DMD: variants seen among roughly 807,000 people sequenced by gnomAD.
DMD encodes mutant dystrophin.
DMD carries 63 observed loss-of-function variants against 330.1 expected under a neutral mutation model. The observed-to-expected ratio is 0.19, with a 90% CI of 0.16 to 0.24. DMD has a LOEUF of 0.24. Among genes scored for constraint, DMD ranks in the 10% least tolerant of loss-of-function variants. The pLI is 1.00. For synonymous variants in DMD, 1,223 were observed against 959.8 expected, an observed-to-expected ratio of 1.27 and a Z score of -5.07; for missense variants, 3,344 against 2,684.1, an observed-to-expected ratio of 1.25 and a Z score of -5.43.
chrX:31,812,824 T>C (rs2092503836), intron 50 of DMD, among the ~76,000 whole-genome samples: 1 of 111,912 alleles, frequency 8.9e-6, no homozygotes, highest in South Asian at 3.7e-4. Flanking sequence ...TTTCTGACCC[T>C]TGGTTATCTC....
intron 48 of DMD, among the ~76,000 whole-genome samples, chrX:31,872,051 C>T (rs2093899398): frequency 9.3e-6 from 1 of 107,505 alleles, no homozygotes; most frequent in Non-Finnish European, 1.9e-5. Flanking sequence ...TTGGGAGAAA[C>T]TCTCAAGTCA....
chrX:31,805,141 C>T (rs1292454762), intron 50 of DMD, among the ~76,000 whole-genome samples: 1 of 111,689 alleles, frequency 9.0e-6, no homozygotes, highest in African/African-American at 3.3e-5. Flanking sequence ...GAAGGAACTG[C>T]ACCAGTTAAG....
intron 1 of DMD, among the ~76,000 whole-genome samples, chrX:33,100,655 C>A (rs1305507085): frequency 9.0e-6 from 1 of 111,390 alleles, no homozygotes; most frequent in Non-Finnish European, 1.9e-5. Flanking sequence ...TGCACAGTTG[C>A]CCTCTAGCCT....
intron 7 of DMD, among the ~76,000 whole-genome samples, chrX:32,775,844 C>T (rs995647417): frequency 8.9e-6 from 1 of 112,951 alleles, no homozygotes; most frequent in African/African-American, 3.2e-5. Context: ...TGACTTACTC[C>T]CTAGAAAATG....
chrX:31,944,033 G>A lies in DMD; in HGVS notation c.6615-11806C>T, dbSNP rs1046643188. ...CACATAATTGCAGCTAAGTTCCTCA[G>A]AAACAGAGGTTACTATTCTTTAAAA... On this transcript the variant is annotated intron_variant, in intron 45 of 78. Transcript: ENST00000357033. Among the ~76,000 whole-genome samples, 6 of 111,512 alleles carry A rather than the reference G, an allele frequency of 5.4e-5. No homozygotes were observed. The Admixed American group carries it at 5.7e-4, about 11-fold the overall frequency.
chrX:33,273,562 C>T (rs764930835), intron 1 of DMD, among the ~76,000 whole-genome samples: 1 of 112,361 alleles, frequency 8.9e-6, no homozygotes, highest in Non-Finnish European at 1.9e-5. Flanking sequence ...ATATCCCTTA[C>T]TGCCACCCAG....
At chrX:31,925,796 C>T (rs1301083586) in intron 47 of DMD, among the ~76,000 whole-genome samples, 2 of 106,025 alleles carry the variant, frequency 1.9e-5, no homozygotes, top group Admixed American at 1.0e-4. Context: ...CGCTTGAACC[C>T]AGGAGACAGA....
rs745406001 is a variant in DMD, at chrX:31,138,686, A to AGAGAGAGTGT, written c.10922-4493_10922-4492insACACTCTCTC. Among the ~76,000 whole-genome samples, 85 of 87,462 alleles carry AGAGAGAGTGT rather than the reference A, an allele frequency of 9.7e-4. 7 individuals carry two copies. Among genetic ancestry groups the AGAGAGAGTGT allele is most frequent in the African/African-American group, 3.7e-3 (80 of 21,658 alleles). 76.0% of individuals were successfully genotyped at this position (87,462 alleles called of 115,157 possible). On this transcript the variant is annotated intron_variant, in intron 76 of 78. Transcript: ENST00000357033. Reference sequence around the variant, plus strand: ...GAGAGAGAGAGAGAGAGAGAGAGAGAGAAGGGGGAAGTGCCACACACTTTA... The same window carrying AGAGAGAGTGT: ...GAGAGAGAGAGAGAGAGAGAGAGAGAGAGAGAGTGTGAAGGGGGAAGTGCCACACACTTTA...
At chrX:32,469,032 C>T (rs2148463219) in intron 22 of DMD, among the ~76,000 whole-genome samples, 2 of 110,624 alleles carry the variant, frequency 1.8e-5, no homozygotes, top group South Asian at 7.6e-4. Context: ...TTAATAACTG[C>T]ATTTGTGATA....
intron 7 of DMD, among the ~76,000 whole-genome samples, chrX:32,718,846 G>A (rs2065979620): frequency 8.9e-6 from 1 of 111,956 alleles, no homozygotes; most frequent in African/African-American, 3.2e-5. Context: ...AATGTGGATG[G>A]AAGTACACAC....
chrX:32,628,552 C>T (rs62592517), intron 11 of DMD, among the ~76,000 whole-genome samples: 1 of 108,827 alleles, frequency 9.2e-6, no homozygotes, highest in Non-Finnish European at 1.9e-5. Flanking sequence ...TTTATTTTCT[C>T]ATACTAATTT....
intron 62 of DMD, among the ~76,000 whole-genome samples, chrX:31,274,354 A>G (rs762558229): frequency 4.6e-4 from 51 of 112,047 alleles, no homozygotes; most frequent in African/African-American, 1.6e-3. Context: ...AGGTATATCC[A>G]TGTTCATATT....
At chrX:31,656,377 C>T (rs1161495409) in intron 54 of DMD, among the ~76,000 whole-genome samples, 1 of 111,886 alleles carries the variant, frequency 8.9e-6, no homozygotes, top group Non-Finnish European at 1.9e-5. Context: ...GAGAGAGTGG[C>T]TTGGGCCATC....
chrX:31,969,597 A>T (rs2095381133), intron 44 of DMD, among the ~76,000 whole-genome samples: 1 of 111,452 alleles, frequency 9.0e-6, no homozygotes, highest in Non-Finnish European at 1.9e-5. Context: ...AGACCCCAGT[A>T]CATGCTTCCT....
intron 1 of DMD, among the ~76,000 whole-genome samples, chrX:33,059,599 T>C: frequency 9.0e-6 from 1 of 111,656 alleles, no homozygotes; most frequent in Non-Finnish European, 1.9e-5. Flanking sequence ...GTTAATAGTA[T>C]TGAAACAACC....
intron 54 of DMD, among the ~76,000 whole-genome samples, chrX:31,628,778 A>G (rs1312760509): frequency 1.8e-5 from 2 of 109,827 alleles, no homozygotes; most frequent in African/African-American, 3.3e-5. Context: ...CCCACGTTAT[A>G]CAGTTATACA....
chrX:31,524,460 T>C (rs1323676311), intron 55 of DMD, among the ~76,000 whole-genome samples: 1 of 111,718 alleles, frequency 9.0e-6, no homozygotes, highest in Admixed American at 9.5e-5. Flanking sequence ...GGCACATGTG[T>C]TGTGGCAAAG....
chrX:33,036,361 A>C (rs17341212), intron 1 of DMD, among the ~76,000 whole-genome samples: 1,193 of 111,676 alleles, frequency 0.011, 33 homozygotes, highest in East Asian at 0.069. Flanking sequence ...TCTTCATTTA[A>C]AATAACAGGT....
At chrX:33,267,631 C>T (rs1258907640) in intron 1 of DMD, among the ~76,000 whole-genome samples, 2 of 111,862 alleles carry the variant, frequency 1.8e-5, no homozygotes, top group Non-Finnish European at 3.8e-5. Context: ...CACCACAGTA[C>T]ATCACACTAT....
Sources: gnomAD v4.1 joint callset for allele counts (sites outside exome capture counted in the v4.1 genomes callset) on GRCh38, gnomAD v4.1.1 for gene constraint, MANE v1.5 for transcripts, NCBI Gene and HGNC (gene_info 2026-07-23, HGNC 2026-07-21) for gene names.